KAT2B: variants seen among roughly 807,000 people sequenced by gnomAD.
The protein encoded by KAT2B is histone acetyltransferase KAT2B.
KAT2B carries 36 observed loss-of-function variants against 105.9 expected under a neutral mutation model. The observed-to-expected ratio is 0.34, with a 90% CI of 0.26 to 0.45. KAT2B has a LOEUF of 0.45. KAT2B is among the 20% of genes least tolerant of loss of function. KAT2B has a pLI of 1.00. For synonymous variants in KAT2B, 397 were observed against 377.9 expected, an observed-to-expected ratio of 1.05 and a Z score of -0.59; for missense variants, 820 against 1,021.6, an observed-to-expected ratio of 0.80 and a Z score of 2.69.
chr3:20,120,910 C>T (rs2125173513), intron 8 of KAT2B, among the ~76,000 whole-genome samples: 1 of 152,248 alleles, frequency 6.6e-6, no homozygotes, highest in East Asian at 1.9e-4. Context: ...TTCCCTTTCA[C>T]TTCCAAGGGA....
intron 1 of KAT2B, among the ~76,000 whole-genome samples, chr3:20,049,974 C>T (rs1196164758): frequency 1.3e-5 from 2 of 152,070 alleles, no homozygotes; most frequent in African/African-American, 2.4e-5. Flanking sequence ...CTGAGGCAGG[C>T]GGATCGCTTG....
intron 17 of KAT2B, among the ~76,000 whole-genome samples, chr3:20,149,495 C>CAAAAAAAAAAAGAAAAAAAAA (rs1699833914): frequency 7.1e-5 from 3 of 42,448 alleles, no homozygotes; most frequent in African/African-American, 3.9e-4. Flanking sequence ...GACCGTATCT[C>CAAAAAAAAAAAGAAAAAAAAA]AAAAAAAAAA....
chr3:20,133,182 T>C (rs1469676602), intron 11 of KAT2B, among the ~76,000 whole-genome samples: 1 of 152,220 alleles, frequency 6.6e-6, no homozygotes, highest in Non-Finnish European at 1.5e-5. Context: ...TTGACACATA[T>C]ATTGGAACTT....
intron 17 of KAT2B, among the ~76,000 whole-genome samples, chr3:20,151,124 T>G (rs1165881698): frequency 6.6e-6 from 1 of 152,216 alleles, no homozygotes; most frequent in East Asian, 1.9e-4. Context: ...CGCTTTTAGA[T>G]TTTTATCTCT....
chr3:20,064,746 A>G (rs1698195595), intron 1 of KAT2B, among the ~76,000 whole-genome samples: 1 of 152,234 alleles, frequency 6.6e-6, no homozygotes, highest in African/African-American at 2.4e-5. Context: ...GTACATGTAC[A>G]TTTTTAATTT....
At chr3:20,121,369 A>T (rs984990536) in intron 8 of KAT2B, among the ~76,000 whole-genome samples, 1 of 152,192 alleles carries the variant, frequency 6.6e-6, no homozygotes, top group Non-Finnish European at 1.5e-5. Context: ...AAATTCAAAA[A>T]ATTTACTTGT....
chr3:20,066,111 C>G (rs1428024861), intron 1 of KAT2B, among the ~76,000 whole-genome samples: 1 of 152,072 alleles, frequency 6.6e-6, no homozygotes, highest in Non-Finnish European at 1.5e-5. Context: ...CTTTCCTTGC[C>G]TCTTCCTAGC....
At chr3:20,125,110 C>T (rs564219386) in intron 9 of KAT2B, among the ~76,000 whole-genome samples, 28 of 152,154 alleles carry the variant, frequency 1.8e-4, no homozygotes, top group Admixed American at 1.4e-3. Flanking sequence ...ATCACGAGGT[C>T]AGGAGATCGA....
At chr3:20,051,213 A>AG (rs1401066234) in intron 1 of KAT2B, among the ~76,000 whole-genome samples, 1 of 150,998 alleles carries the variant, frequency 6.6e-6, no homozygotes, top group Non-Finnish European at 1.5e-5. Flanking sequence ...AAAAAAAAAA[A>AG]ACCCAAACAA....
chr3:20,044,312 C>A (rs1236445981), intron 1 of KAT2B, among the ~76,000 whole-genome samples: 1 of 151,544 alleles, frequency 6.6e-6, no homozygotes, highest in Non-Finnish European at 1.5e-5. Context: ...GAGACTTCGT[C>A]TCTACAAAAA....
chr3:20,114,583 C>T (rs752895781), intron 6 of KAT2B, among the ~76,000 whole-genome samples: 1 of 152,126 alleles, frequency 6.6e-6, no homozygotes, highest in South Asian at 2.1e-4. Context: ...GGGCTGAAAT[C>T]GTGCTCTGAG....
intron 1 of KAT2B, among the ~76,000 whole-genome samples, chr3:20,053,689 C>A (rs1697955116): frequency 1.3e-5 from 2 of 152,218 alleles, no homozygotes; most frequent in African/African-American, 4.8e-5. Flanking sequence ...TGAAGGCATT[C>A]TTTAAACTAC....
chr3:20,045,359 A>G (rs946551041), intron 1 of KAT2B, among the ~76,000 whole-genome samples: 1 of 70,252 alleles, frequency 1.4e-5, no homozygotes, highest in African/African-American at 5.2e-5. Flanking sequence ...TTATTTATTT[A>G]TTTATTTTAG....
intron 1 of KAT2B, among the ~76,000 whole-genome samples, chr3:20,042,594 A>T (rs911512771): frequency 3.3e-4 from 51 of 152,326 alleles, no homozygotes; most frequent in African/African-American, 1.2e-3. Flanking sequence ...TTTCGCAGCC[A>T]AAGTGGGCTC....
chr3:20,128,123 G>A (rs1699438423), intron 11 of KAT2B, among the ~76,000 whole-genome samples: 1 of 152,150 alleles, frequency 6.6e-6, no homozygotes, highest in Non-Finnish European at 1.5e-5. Context: ...TGGACTTTGG[G>A]GCGAGGTACC....
intron 1 of KAT2B, among the ~76,000 whole-genome samples, chr3:20,066,653 G>A (rs2125177176): frequency 6.6e-6 from 1 of 151,314 alleles, no homozygotes; most frequent in East Asian, 1.9e-4. Context: ...CTCCCACCTC[G>A]GCATCCCAAA....
At chr3:20,139,059 A>ATT (rs11391032) in intron 12 of KAT2B, among the ~76,000 whole-genome samples, 12,350 of 147,046 alleles carry the variant, frequency 0.084, 558 homozygotes, top group East Asian at 0.2. Flanking sequence ...ATGCCCAGCA[A>ATT]TTTTTTTTTT....
intron 2 of KAT2B, among the ~76,000 whole-genome samples, chr3:20,094,087 G>C (rs535048546): frequency 1.3e-5 from 2 of 152,290 alleles, no homozygotes; most frequent in East Asian, 3.9e-4. Flanking sequence ...GTCTGAGACT[G>C]TATTAGTTCA....
intron 2 of KAT2B, among the ~76,000 whole-genome samples, chr3:20,072,715 A>G (rs2125181388): frequency 6.6e-6 from 1 of 152,352 alleles, no homozygotes; most frequent in South Asian, 2.1e-4. Flanking sequence ...AAATAAGATG[A>G]AACATGACAA....
Sources: gnomAD v4.1 joint callset for allele counts (sites outside exome capture counted in the v4.1 genomes callset) on GRCh38, gnomAD v4.1.1 for gene constraint, MANE v1.5 for transcripts, NCBI Gene and HGNC (gene_info 2026-07-23, HGNC 2026-07-21) for gene names.